The following RYR3 variants were observed in gnomAD, a reference collection of about 807,000 sequenced individuals.
RYR3 encodes ryanodine receptor 3.
A neutral mutation model predicts 584.3 loss-of-function variants in RYR3; 207 were observed. The observed-to-expected ratio is 0.35, with a 90% CI of 0.32 to 0.40. The LOEUF is 0.40. RYR3 is among the 10% of genes least tolerant of loss of function. The pLI, the probability that RYR3 is intolerant of heterozygous loss-of-function variation, is 1.00. For synonymous variants in RYR3, 2,416 were observed against 2,248.5 expected, an observed-to-expected ratio of 1.07 and a Z score of -2.11; for missense variants, 5,616 against 6,089.2, an observed-to-expected ratio of 0.92 and a Z score of 2.59.
intron 67 of RYR3, among the ~76,000 whole-genome samples, chr15:33,790,432 T>C (rs1430812698): frequency 2.6e-5 from 4 of 152,184 alleles, no homozygotes; most frequent in East Asian, 1.9e-4. Context: ...AATTTCCAAA[T>C]TGGGAATGAG....
At chr15:33,422,788 C>T (rs139891397) in intron 1 of RYR3, among the ~76,000 whole-genome samples, 62 of 152,212 alleles carry the variant, frequency 4.1e-4, no homozygotes, top group African/African-American at 1.5e-3. Flanking sequence ...GGCCTTGTAT[C>T]CCCTGTAAAA....
chr15:33,336,584 A>G (rs987631799), intron 1 of RYR3, among the ~76,000 whole-genome samples: 1 of 150,448 alleles, frequency 6.6e-6, no homozygotes, highest in Non-Finnish European at 1.5e-5. Context: ...TGAGCTGTCA[A>G]GGGCACAACA....
intron 1 of RYR3, among the ~76,000 whole-genome samples, chr15:33,317,022 G>T (rs1968269859): frequency 6.6e-6 from 1 of 152,178 alleles, no homozygotes. Context: ...ATCTTCAAAA[G>T]GCCAGGTAGG....
At chr15:33,417,896 T>C (rs1336638730) in intron 1 of RYR3, among the ~76,000 whole-genome samples, 1 of 152,106 alleles carries the variant, frequency 6.6e-6, no homozygotes, top group Non-Finnish European at 1.5e-5. Flanking sequence ...ATCATGATGT[T>C]GGATTTTATT....
chr15:33,847,442 C>G (rs2078800845), intron 93 of RYR3: 1 of 152,216 alleles, frequency 6.6e-6, no homozygotes, highest in Non-Finnish European at 1.5e-5. Context: ...ATGAGACGCC[C>G]TAGCTCTGTC....
At chr15:33,498,800 A>G (rs948055967) in intron 2 of RYR3, among the ~76,000 whole-genome samples, 2 of 152,138 alleles carry the variant, frequency 1.3e-5, no homozygotes, top group East Asian at 3.9e-4. Context: ...CAACAGTTTT[A>G]TAATTTCCAG....
At chr15:33,528,322 C>G (rs2054568990) in intron 3 of RYR3, among the ~76,000 whole-genome samples, 1 of 152,160 alleles carries the variant, frequency 6.6e-6, no homozygotes, top group African/African-American at 2.4e-5. Flanking sequence ...CACCACAAAC[C>G]AGCGAATGGT....
chr15:33,785,515 G>A, intron 65 of RYR3, 147 bp from the exon 66 acceptor site: 2 of 640,162 alleles, frequency 3.1e-6, no homozygotes, highest in Non-Finnish European at 5.2e-6. Flanking sequence ...ACAGCTGGAG[G>A]ACAAAAGCCA....
intron 42 of RYR3, among the ~76,000 whole-genome samples, chr15:33,706,384 C>A (rs2066718843): frequency 6.6e-6 from 1 of 152,106 alleles, no homozygotes; most frequent in Non-Finnish European, 1.5e-5. Context: ...AATAACTTTC[C>A]ATTCTTCCCT....
At position 33,428,058 on chromosome 15, in the gene RYR3, CTGTT is replaced by C. The variant is rs371069863; in HGVS notation, c.52-45360_52-45357del. Among the ~76,000 whole-genome samples, 52 of 152,322 alleles carry C rather than the reference CTGTT, an allele frequency of 3.4e-4. No individual in the cohort carries two copies. The East Asian group carries it at 9.6e-3, about 28-fold the overall frequency. On this transcript the variant is annotated intron_variant, in intron 1 of 103. Transcript: ENST00000634891. ...GATATAACATGGTGCCATGCATTGT[CTGTT>C]ATCTTTGTATTGTAAGCTCCTTGAA...
rs774180939 is a variant in RYR3, at chr15:33,696,469, T to C, written c.6112T>C (p.Leu2038=). ...LSVRMGKEEE[L]LMINGLGDIM... is the part of the protein sequence containing the mutation. ...TGTCAGGATGGGCAAGGAAGAGGAGTTGCTCATGATCAATGGGCTGGGGTA... is the reference window on the plus strand; with the variant it reads ...TGTCAGGATGGGCAAGGAAGAGGAGCTGCTCATGATCAATGGGCTGGGGTA... Residue 2038 remains leucine (L), a synonymous_variant, in exon 39 of 104, where the codon TTG becomes CTG. Transcript: ENST00000634891. 2 of 1,613,628 alleles carry C rather than the reference T, an allele frequency of 1.2e-6. No homozygotes were observed. The highest frequency in any genetic ancestry group is 2.2e-5 in the South Asian group (2 of 91,058).
chr15:33,729,836 G>A (rs1243204371), intron 47 of RYR3, among the ~76,000 whole-genome samples: 1 of 152,132 alleles, frequency 6.6e-6, no homozygotes. Context: ...GGCTCCACCT[G>A]GTGTCCAACA....
intron 3 of RYR3, among the ~76,000 whole-genome samples, chr15:33,528,593 A>G (rs2054589586): frequency 6.6e-6 from 1 of 152,222 alleles, no homozygotes; most frequent in Admixed American, 6.5e-5. Context: ...TCAGAAAAGG[A>G]GACAGTATAG....
intron 8 of RYR3, among the ~76,000 whole-genome samples, chr15:33,545,217 C>G (rs2056148401): frequency 6.6e-6 from 1 of 152,116 alleles, no homozygotes; most frequent in Non-Finnish European, 1.5e-5. Context: ...CATGCACACA[C>G]CTGTCATCAA....
chr15:33,483,766 G>T (rs1041212529), intron 2 of RYR3, among the ~76,000 whole-genome samples: 1 of 152,158 alleles, frequency 6.6e-6, no homozygotes, highest in Non-Finnish European at 1.5e-5. Context: ...TTTGTATACT[G>T]ATCTTGGGTT....
intron 1 of RYR3, among the ~76,000 whole-genome samples, chr15:33,347,450 CTT>C (rs780033353): frequency 4.3e-5 from 6 of 141,168 alleles, no homozygotes; most frequent in Non-Finnish European, 4.7e-5. Flanking sequence ...ACATTGGGAG[CTT>C]TTTTTTTTTT....
chr15:33,811,322 G>A (rs1017169882), intron 72 of RYR3, among the ~76,000 whole-genome samples: 40 of 152,114 alleles, frequency 2.6e-4, no homozygotes, highest in Admixed American at 5.2e-4. Context: ...TGGCTAACAC[G>A]GTGAAACCCC....
At chr15:33,673,054 C>T (rs931112417) in intron 38 of RYR3, among the ~76,000 whole-genome samples, 1 of 152,150 alleles carries the variant, frequency 6.6e-6, no homozygotes, top group Admixed American at 6.5e-5. Context: ...TCCACTGTAC[C>T]CTTGCCAAAG....
chr15:33,795,234 G>A (rs1490186377), intron 67 of RYR3, among the ~76,000 whole-genome samples: 3 of 152,116 alleles, frequency 2.0e-5, no homozygotes, highest in Non-Finnish European at 4.4e-5. Flanking sequence ...CTGAAGAGCG[G>A]CTTCTGTTGG....
Sources: allele counts gnomAD v4.1 joint callset (sites outside exome capture counted in the v4.1 genomes callset), GRCh38; gene constraint gnomAD v4.1.1; transcripts MANE v1.5; gene names NCBI Gene and HGNC (gene_info 2026-07-23, HGNC 2026-07-21).